AK8: variants seen among roughly 807,000 people sequenced by gnomAD.
AK8 encodes adenylate kinase 8.
AK8 carries 44 observed loss-of-function variants against 54.6 expected under a neutral mutation model. That is an observed-to-expected ratio of 0.81 (90% CI 0.63 to 1.04). The LOEUF (loss-of-function observed/expected upper bound fraction) is 1.04. Ranked by LOEUF, AK8 falls within the 50% of genes least tolerant of loss-of-function variation. The pLI is 0.00. For synonymous variants in AK8, 239 were observed against 245.6 expected (o/e 0.97, Z 0.25); for missense variants, 555 against 613.6 (o/e 0.90, Z 1.01).
intron 11 of AK8, among the ~76,000 whole-genome samples, chr9:132,780,254 G>A (rs540573437): frequency 6.6e-6 from 1 of 152,334 alleles, no homozygotes; most frequent in East Asian, 1.9e-4. Context: ...CCTGTGCAAA[G>A]CCATGGCAGT....
intron 11 of AK8, among the ~76,000 whole-genome samples, chr9:132,735,826 A>G (rs1350650454): frequency 1.3e-5 from 2 of 152,252 alleles, no homozygotes; most frequent in Admixed American, 1.3e-4. Context: ...GTTCATCAAT[A>G]GATGAATGGA....
At chr9:132,833,409 C>CA (rs1385625736) in intron 5 of AK8, among the ~76,000 whole-genome samples, 1 of 152,146 alleles carries the variant, frequency 6.6e-6, no homozygotes, top group East Asian at 1.9e-4. Context: ...TTGCGAGGTT[C>CA]GCGGGTCTCA....
At chr9:132,775,698 G>C (rs774827842) in intron 11 of AK8, among the ~76,000 whole-genome samples, 1 of 152,122 alleles carries the variant, frequency 6.6e-6, no homozygotes, top group Non-Finnish European at 1.5e-5. Context: ...TCTTCCTCAA[G>C]ATTAAGCTCC....
intron 5 of AK8, among the ~76,000 whole-genome samples, chr9:132,833,564 C>T (rs562209976): frequency 1.3e-5 from 2 of 152,272 alleles, no homozygotes; most frequent in African/African-American, 2.4e-5. Flanking sequence ...CTGATGCCTT[C>T]GCTCACCGTA....
chr9:132,825,974 A>G (rs1841851291), intron 8 of AK8, among the ~76,000 whole-genome samples: 1 of 152,198 alleles, frequency 6.6e-6, no homozygotes, highest in Non-Finnish European at 1.5e-5. Context: ...AGACTTTTGA[A>G]AAGGATAATA....
chr9:132,778,957 C>T (rs144316362), intron 11 of AK8, among the ~76,000 whole-genome samples: 2 of 148,212 alleles, frequency 1.3e-5, no homozygotes, highest in African/African-American at 5.2e-5. Flanking sequence ...GGTCATTCGC[C>T]GCATGTGTTA....
chr9:132,858,134 C>G (rs1843250565), intron 4 of AK8, among the ~76,000 whole-genome samples: 1 of 152,228 alleles, frequency 6.6e-6, no homozygotes, highest in Non-Finnish European at 1.5e-5. Context: ...CCGCAGCACC[C>G]AGTTGCTCCC....
chr9:132,877,414 TG>T (rs1280942145), intron 1 of AK8, among the ~76,000 whole-genome samples: 2 of 152,146 alleles, frequency 1.3e-5, no homozygotes, highest in Non-Finnish European at 2.9e-5. Flanking sequence ...GGGTGTACCC[TG>T]GGAAGCAGAC....
chr9:132,854,910 G>A lies in AK8; in HGVS notation c.349C>T (p.Leu117=), dbSNP rs758510671. ...CGTTCCTGAATCAGCTGGACGAGCA[G>A]CGCGCTGGGAACTGTCTGAAGGAAA... The part of the protein sequence containing the change: ...YLQRKTVPSA[L]LVQLIQERLA... Residue 117 remains leucine, a synonymous_variant, in exon 5 of 13, where the codon CTG becomes TTG. Coordinates refer to ENST00000298545, the MANE Select transcript of AK8 (RefSeq NM_152572.3). 1 of 1,613,948 alleles carries A rather than the reference G, an allele frequency of 6.2e-7. No homozygotes were observed. The highest frequency in any genetic ancestry group is 1.6e-4 in the Middle Eastern group (1 of 6,062).
At chr9:132,772,665 T>C (rs1226763063) in intron 11 of AK8, among the ~76,000 whole-genome samples, 1 of 152,236 alleles carries the variant, frequency 6.6e-6, no homozygotes, top group Non-Finnish European at 1.5e-5. Context: ...AAGCTTATCA[T>C]GCCCAAAACT....
chr9:132,777,254 A>G (rs1045524114), intron 11 of AK8, among the ~76,000 whole-genome samples: 5 of 152,158 alleles, frequency 3.3e-5, no homozygotes, highest in African/African-American at 1.2e-4. Context: ...AGGAATAAAT[A>G]TGGTCACACG....
At position 132,877,042 on chromosome 9, in the gene AK8, G is replaced by C. The variant is rs143089106; in HGVS notation, c.84+1130C>G. Among the ~76,000 whole-genome samples the C allele has an allele frequency of 4.8e-3, 736 of 152,248 alleles. 4 individuals carry two copies. The highest frequency in any genetic ancestry group is 0.024 in the South Asian group (114 of 4,820). On this transcript the variant is annotated intron_variant, in intron 1 of 12. Coordinates refer to ENST00000298545, the MANE Select transcript of AK8 (RefSeq NM_152572.3). ...GATTGTATCACTGCACTCCAGCCTG[G>C]GCAGCAGTGCAAGACCCTGTTTCAA...
intron 2 of AK8, among the ~76,000 whole-genome samples, chr9:132,872,086 A>C (rs1266227566): frequency 6.6e-6 from 1 of 152,180 alleles, no homozygotes; most frequent in African/African-American, 2.4e-5. Flanking sequence ...TGTAATCTCA[A>C]TGCTTTGGGA....
chr9:132,805,695 T>C (rs536284172), intron 10 of AK8, among the ~76,000 whole-genome samples: 1 of 152,200 alleles, frequency 6.6e-6, no homozygotes, highest in South Asian at 2.1e-4. Context: ...GCTCACCCGC[T>C]TCCTCTAACT....
intron 11 of AK8, among the ~76,000 whole-genome samples, chr9:132,771,948 T>G (rs1453761026): frequency 6.6e-6 from 1 of 152,174 alleles, no homozygotes; most frequent in Non-Finnish European, 1.5e-5. Flanking sequence ...CTTATATGGA[T>G]GGCAGCAGGC....
chr9:132,741,996 T>C (rs548944901), intron 11 of AK8, among the ~76,000 whole-genome samples: 2 of 152,232 alleles, frequency 1.3e-5, no homozygotes, highest in South Asian at 4.1e-4. Context: ...CATAATTACA[T>C]AGAATATCCA....
intron 11 of AK8, among the ~76,000 whole-genome samples, chr9:132,759,202 A>C (rs1287583378): frequency 6.6e-6 from 1 of 151,794 alleles, no homozygotes; most frequent in Admixed American, 6.6e-5. Context: ...TCTCAAAAAA[A>C]AAAAAAAAAA....
At chr9:132,845,532 G>C (rs1350516151) in intron 5 of AK8, among the ~76,000 whole-genome samples, 1 of 152,216 alleles carries the variant, frequency 6.6e-6, no homozygotes, top group Non-Finnish European at 1.5e-5. Context: ...GCTCATGCCT[G>C]TAATCCCAGC....
intron 5 of AK8, among the ~76,000 whole-genome samples, chr9:132,846,131 T>C (rs193184317): frequency 9.2e-5 from 14 of 152,302 alleles, no homozygotes; most frequent in African/African-American, 2.6e-4. Flanking sequence ...AACATTTTCA[T>C]TGGAATGCTG....
Sources: gnomAD v4.1 joint callset for allele counts (sites outside exome capture counted in the v4.1 genomes callset) on GRCh38, gnomAD v4.1.1 for gene constraint, MANE v1.5 for transcripts, NCBI Gene and HGNC (gene_info 2026-07-23, HGNC 2026-07-21) for gene names.